Variants in RAD52 observed in about 807,000 individuals in gnomAD.
The protein encoded by RAD52 is RAD52 DNA repair protein.
A neutral mutation model predicts 55.5 loss-of-function variants in RAD52; 47 were observed. The ratio of observed to expected loss-of-function variants is 0.85; its 90% confidence interval spans 0.67 to 1.08. RAD52 has a LOEUF of 1.08. Among genes scored for constraint, RAD52 ranks in the 50% least tolerant of loss-of-function variants. RAD52 has a pLI of 0.00. For missense variants in RAD52, 468 were observed against 522.8 expected, an observed-to-expected ratio of 0.90 and a Z score of 1.02; for synonymous variants, 184 against 198.9, an observed-to-expected ratio of 0.92 and a Z score of 0.63.
intron 1 of RAD52, among the ~76,000 whole-genome samples, chr12:934,289 A>C (rs1291938387): frequency 1.3e-5 from 2 of 151,732 alleles, no homozygotes; most frequent in East Asian, 3.9e-4. Flanking sequence ...CAACATGGTG[A>C]AATGTCTTTA....
intron 7 of RAD52, among the ~76,000 whole-genome samples, chr12:920,103 G>C (rs1357783976): frequency 8.7e-6 from 1 of 115,050 alleles, no homozygotes; most frequent in African/African-American, 3.6e-5. Flanking sequence ...TGTAGTTCCA[G>C]CTACTCAGGA....
At chr12:914,305 T>C (rs546688640) in intron 10 of RAD52, 126 bp downstream of exon 10, 8 of 1,403,882 alleles carry the variant, frequency 5.7e-6, no homozygotes, top group East Asian at 4.9e-5. Flanking sequence ...ACTGGACATA[T>C]GCTATCAGCC....
At chr12:951,286 A>AT (rs950788614), upstream of RAD52, among the ~76,000 whole-genome samples, 2 of 151,878 alleles carry the variant, frequency 1.3e-5, no homozygotes, top group Non-Finnish European at 2.9e-5. Flanking sequence ...CTAATCTAAA[A>AT]TTTTTTTGTA....
chr12:965,096 C>G lies in RAD52; in HGVS notation c.-19+24713G>C, dbSNP rs542462030. 4.6e-5 allele frequency among the ~76,000 whole-genome samples: 7 copies of G among 152,056 alleles called. No homozygotes were observed. The South Asian group carries it at 1.5e-3, about 32-fold the overall frequency. On this transcript the variant is annotated intron_variant, in intron 1 of 11. Transcript: ENST00000430095. Reference sequence around the variant, plus strand: ...CTGGGTTCAAGCGATTCTCCTGCCTCAGCCTCCCAAGTAGCTAGGAGTACA... The same window carrying G: ...CTGGGTTCAAGCGATTCTCCTGCCTGAGCCTCCCAAGTAGCTAGGAGTACA...
At chr12:930,009 C>A (rs755081345) in intron 4 of RAD52, 42 bp downstream of exon 4, 4 of 1,591,514 alleles carry the variant, frequency 2.5e-6, no homozygotes, top group Non-Finnish European at 2.6e-6. Context: ...TCAGCAGGAG[C>A]TGGACAGTGC....
At chr12:916,288 G>C in intron 9 of RAD52, 56 bp downstream of exon 9, 1 of 1,588,500 alleles carries the variant, frequency 6.3e-7, no homozygotes, top group Non-Finnish European at 8.5e-7. Flanking sequence ...AAGACCCTGC[G>C]GCTACACTTC....
Position 916,430 on chromosome 12 carries a change from C to A in RAD52, c.779G>T (p.Arg260Leu). 2 of 1,607,616 alleles carry A rather than the reference C, an allele frequency of 1.2e-6. No individual in the cohort carries two copies. Among genetic ancestry groups the A allele is most frequent in the South Asian group, 1.1e-5 (1 of 90,596 alleles). Residue 260 changes from arginine to leucine, a missense_variant, in exon 9 of 12, where the codon CGG (arginine) becomes CTG (leucine). Arg to Leu is a moderately radical substitution (Grantham distance 102). Transcript: ENST00000358495. ...GAACTGCTGCTGCAGCTGCTTCTGC[C>A]GGAGCTTCCGCTGGTGCGTGGCCTC... ...ESEATHQRKL[R>L]QKQLQQQFRE...
intron 1 of RAD52, among the ~76,000 whole-genome samples, chr12:942,426 G>C (rs1398161530): frequency 1.3e-5 from 2 of 152,064 alleles, no homozygotes; most frequent in African/African-American, 2.4e-5. Context: ...CTAGAAATGG[G>C]TGATAGGCTT....
At chr12:980,324 A>C in intron 1 of RAD52, among the ~76,000 whole-genome samples, 3 of 142,882 alleles carry the variant, frequency 2.1e-5, no homozygotes, top group South Asian at 2.2e-4. Flanking sequence ...ACGAAGTCTC[A>C]CTCTTGTCCC....
chr12:955,850 G>A (rs1417088291), intron 1 of RAD52, among the ~76,000 whole-genome samples: 7 of 150,096 alleles, frequency 4.7e-5, no homozygotes, highest in Non-Finnish European at 1.0e-4. Flanking sequence ...GCACCATCTC[G>A]GCTCACTGCA....
At chr12:951,163 A>C (rs773219939), upstream of RAD52, among the ~76,000 whole-genome samples, 24 of 152,264 alleles carry the variant, frequency 1.6e-4, no homozygotes, top group Non-Finnish European at 3.1e-4. Context: ...CCCAGACTGT[A>C]CTGCAGTGCT....
chr12:935,907 C>T (rs1029007144), intron 1 of RAD52, among the ~76,000 whole-genome samples: 52 of 148,754 alleles, frequency 3.5e-4, no homozygotes, highest in Middle Eastern at 7.0e-3. Flanking sequence ...TAACTAGAGA[C>T]GGGGTTTCAC....
intron 1 of RAD52, among the ~76,000 whole-genome samples, chr12:962,665 A>G (rs983914320): frequency 6.6e-6 from 1 of 151,782 alleles, no homozygotes; most frequent in Admixed American, 6.6e-5. Context: ...ACATTTTTTA[A>G]GACAGATATT....
intron 1 of RAD52, among the ~76,000 whole-genome samples, chr12:948,498 G>C (rs1958379945): frequency 1.3e-5 from 2 of 151,924 alleles, no homozygotes; most frequent in South Asian, 2.1e-4. Flanking sequence ...CCAACATGGT[G>C]AAAAATACAA....
At chr12:942,079 T>C (rs1343034599) in intron 1 of RAD52, among the ~76,000 whole-genome samples, 2 of 152,216 alleles carry the variant, frequency 1.3e-5, no homozygotes, top group East Asian at 3.8e-4. Context: ...TTACCAGACT[T>C]TTCTGTAAAA....
At chr12:970,365 T>C (rs1592485182) in intron 1 of RAD52, among the ~76,000 whole-genome samples, 1 of 149,250 alleles carries the variant, frequency 6.7e-6, no homozygotes, top group East Asian at 2.0e-4. Context: ...CCTACTCACA[T>C]TCCTTTTGGG....
intron 1 of RAD52, among the ~76,000 whole-genome samples, chr12:943,048 G>T (rs1958001752): frequency 6.6e-6 from 1 of 152,156 alleles, no homozygotes; most frequent in Non-Finnish European, 1.5e-5. Flanking sequence ...CTTCACAAAG[G>T]AAGATGCACA....
At position 914,436 on chromosome 12, in the gene RAD52, A is replaced by G. The variant is rs772494823; in HGVS notation, c.962T>C (p.Leu321Ser). Residue 321 changes from leucine (L) to serine (S), a missense_variant, in exon 10 of 12, where the codon TTA becomes TCA. By Grantham distance (145) the Leu-to-Ser change is moderately radical (BLOSUM62 -2). Coordinates refer to ENST00000358495, the MANE Select transcript of RAD52 (RefSeq NM_134424.4). ...AAGCATTTCAAGGTATTTACTGATT[A>G]ATTCTTGAGTCACTCCTGCAAGGAA... Reference protein sequence around the residue: ...KDFLAGVTQELIKTLEDNSEK... With the variant: ...KDFLAGVTQESIKTLEDNSEK... 1 of 1,613,954 alleles carries G rather than the reference A, an allele frequency of 6.2e-7. No individual in the cohort carries two copies. The highest frequency in any genetic ancestry group is 8.5e-7 in the Non-Finnish European group (1 of 1,179,950).
chr12:931,391 T>TAAAGG, intron 2 of RAD52, 70 bp from the exon 3 acceptor site: 34 of 1,151,086 alleles, frequency 3.0e-5, no homozygotes, highest in Non-Finnish European at 3.8e-5. Context: ...CTCCATCCTT[T>TAAAGG]ATGGAGACTT....
Sources: allele counts gnomAD v4.1 joint callset (sites outside exome capture counted in the v4.1 genomes callset), GRCh38; gene constraint gnomAD v4.1.1; transcripts MANE v1.5; gene names NCBI Gene and HGNC (gene_info 2026-07-23, HGNC 2026-07-21).